The following TAMM41 variants were observed in gnomAD, a reference collection of about 807,000 sequenced individuals.
TAMM41 encodes phosphatidate cytidylyltransferase, mitochondrial.
TAMM41 carries 36 observed loss-of-function variants against 44.1 expected under a neutral mutation model. The observed-to-expected ratio is 0.82, with a 90% CI of 0.63 to 1.08. The LOEUF (loss-of-function observed/expected upper bound fraction) is 1.08, where lower values mean the gene tolerates loss of function less well. Ranked by LOEUF, TAMM41 falls within the 50% of genes least tolerant of loss-of-function variation. TAMM41 has a pLI of 0.00. For synonymous variants in TAMM41, 164 were observed against 153.1 expected (o/e 1.07, Z -0.53); for missense variants, 417 against 404.3 (o/e 1.03, Z -0.27).
At chr3:11,817,152 G>A in intron 5 of TAMM41, 40 bp downstream of exon 5, 2 of 1,586,038 alleles carry the variant, frequency 1.3e-6, no homozygotes, top group Non-Finnish European at 1.7e-6. Context: ...AATAGCCTTT[G>A]TCTTAGAAAC....
intron 5 of TAMM41, among the ~76,000 whole-genome samples, chr3:11,812,241 A>T (rs1469232699): frequency 6.6e-6 from 1 of 152,104 alleles, no homozygotes; most frequent in Admixed American, 6.6e-5. Flanking sequence ...TGGCCAAAAG[A>T]GTAAAGAAAA....
chr3:11,759,237 G>A, the TAMM41 span, among the ~76,000 whole-genome samples: 1 of 152,138 alleles, frequency 6.6e-6, no homozygotes. Flanking sequence ...GCCCCACTCC[G>A]TACTGCTCAC....
intron 3 of TAMM41, among the ~76,000 whole-genome samples, chr3:11,830,142 G>A (rs1026226942): frequency 1.1e-4 from 16 of 152,154 alleles, no homozygotes; most frequent in African/African-American, 2.9e-4. Context: ...TAGAAAAAGA[G>A]CAAAAGTCCT....
At chr3:11,824,514 G>A (rs2078663556) in intron 4 of TAMM41, among the ~76,000 whole-genome samples, 1 of 151,022 alleles carries the variant, frequency 6.6e-6, no homozygotes, top group Non-Finnish European at 1.5e-5. Context: ...GGTTGGTCTC[G>A]AACTCCTGAC....
At chr3:11,755,854 C>T in the TAMM41 span, among the ~76,000 whole-genome samples, 1 of 152,230 alleles carries the variant, frequency 6.6e-6, no homozygotes, top group African/African-American at 2.4e-5. Flanking sequence ...TAATTTCACC[C>T]CATGAAGCAC....
intron 3 of TAMM41, 191 bp from the exon 4 acceptor site, chr3:11,830,055 A>G: frequency 1.8e-6 from 1 of 549,418 alleles, no homozygotes; most frequent in East Asian, 2.8e-5. Flanking sequence ...AAGGTCAAAG[A>G]AATCATGACA....
At chr3:11,829,404 G>C (rs2078889920) in intron 4 of TAMM41, among the ~76,000 whole-genome samples, 1 of 152,182 alleles carries the variant, frequency 6.6e-6, no homozygotes, top group Non-Finnish European at 1.5e-5. Context: ...GTTAAAATTG[G>C]CGAATCTGGG....
the TAMM41 span, among the ~76,000 whole-genome samples, chr3:11,733,784 C>T: frequency 6.6e-6 from 1 of 151,928 alleles, no homozygotes; most frequent in Non-Finnish European, 1.5e-5. Flanking sequence ...CGTGAGCCAC[C>T]ACGCCCGGCC....
chr3:11,745,464 T>C, the TAMM41 span, among the ~76,000 whole-genome samples: 2 of 152,198 alleles, frequency 1.3e-5, no homozygotes, highest in Non-Finnish European at 2.9e-5. Context: ...AAAAAACTGA[T>C]CTATGCATAC....
intron 5 of TAMM41, among the ~76,000 whole-genome samples, chr3:11,815,945 TTTGGC>T (rs2078261032): frequency 6.6e-6 from 1 of 152,218 alleles, no homozygotes; most frequent in South Asian, 2.1e-4. Context: ...TGAGGTATCA[TTTGGC>T]TTTTAAATCA....
chr3:11,835,924 A>C (rs1486065182), intron 3 of TAMM41, among the ~76,000 whole-genome samples: 2 of 151,716 alleles, frequency 1.3e-5, no homozygotes, highest in African/African-American at 2.4e-5. Context: ...CTAACCCTAC[A>C]TCTGTTAGAT....
chr3:11,786,319 T>TTA (rs1559259455), downstream of TAMM41, among the ~76,000 whole-genome samples: 29 of 100,326 alleles, frequency 2.9e-4, no homozygotes, highest in African/African-American at 7.0e-4. Context: ...TATTATTATT[T>TTA]TTTGAGATGG....
chr3:11,772,161 C>T, the TAMM41 span, among the ~76,000 whole-genome samples: 1 of 151,986 alleles, frequency 6.6e-6, no homozygotes, highest in Non-Finnish European at 1.5e-5. Flanking sequence ...AACTCCACCT[C>T]CCAGGTTCAT....
At chr3:11,779,211 G>C in the TAMM41 span, among the ~76,000 whole-genome samples, 1 of 152,132 alleles carries the variant, frequency 6.6e-6, no homozygotes, top group African/African-American at 2.4e-5. Context: ...TGCCATGAGT[G>C]GGGGCAGCGT....
intron 7 of TAMM41, among the ~76,000 whole-genome samples, chr3:11,794,155 T>A (rs993188165): frequency 1.3e-5 from 2 of 150,886 alleles, no homozygotes. Flanking sequence ...TCAATTTTTT[T>A]TTTTTTTTTT....
intron 3 of TAMM41, among the ~76,000 whole-genome samples, chr3:11,832,172 A>G (rs2079007065): frequency 6.6e-6 from 1 of 152,128 alleles, no homozygotes; most frequent in Non-Finnish European, 1.5e-5. Flanking sequence ...AAAAACACCT[A>G]TGCTTATTCC....
chr3:11,782,598 T>G, the TAMM41 span, among the ~76,000 whole-genome samples: 1 of 149,552 alleles, frequency 6.7e-6, no homozygotes, highest in Non-Finnish European at 1.5e-5. Context: ...GTTGTAGGAG[T>G]AGGATAAGGA....
chr3:11,739,247 G>A, the TAMM41 span, among the ~76,000 whole-genome samples: 7 of 152,196 alleles, frequency 4.6e-5, no homozygotes, highest in South Asian at 1.0e-3. Context: ...TTACATTCTT[G>A]CCTCCTCCCC....
chr3:11,760,295 G>A, the TAMM41 span, among the ~76,000 whole-genome samples: 2 of 152,144 alleles, frequency 1.3e-5, no homozygotes, highest in Non-Finnish European at 2.9e-5. Context: ...TCTCTCCCTG[G>A]AGGCCTCCTA....
Sources: gnomAD v4.1 joint callset for allele counts (sites outside exome capture counted in the v4.1 genomes callset) on GRCh38, gnomAD v4.1.1 for gene constraint, MANE v1.5 for transcripts, NCBI Gene and HGNC (gene_info 2026-07-23, HGNC 2026-07-21) for gene names.